SPATA16: variants seen among roughly 807,000 people sequenced by gnomAD.
SPATA16 encodes spermatogenesis-associated protein 16.
A neutral mutation model predicts 63.3 loss-of-function variants in SPATA16; 36 were observed. The observed-to-expected ratio is 0.57, with a 90% CI of 0.44 to 0.75. The LOEUF (loss-of-function observed/expected upper bound fraction) is 0.75, where lower values mean the gene tolerates loss of function less well. Ranked by LOEUF, SPATA16 falls within the 30% of genes least tolerant of loss-of-function variation. The probability of loss-of-function intolerance (pLI) is 0.00; values close to 1 mark genes in which losing one functional copy is unlikely to be tolerated. For synonymous variants in SPATA16, 203 were observed against 216.7 expected (o/e 0.94, Z 0.56); for missense variants, 646 against 679.3 (o/e 0.95, Z 0.54).
At chr3:172,940,662 C>T (rs897058397) in intron 6 of SPATA16, among the ~76,000 whole-genome samples, 6 of 152,106 alleles carry the variant, frequency 3.9e-5, no homozygotes, top group South Asian at 4.1e-4. Context: ...ATAACTTGAA[C>T]ATGTACCTCT....
chr3:172,999,046 G>A (rs1482342838), intron 4 of SPATA16, among the ~76,000 whole-genome samples: 1 of 152,026 alleles, frequency 6.6e-6, no homozygotes, highest in African/African-American at 2.4e-5. Flanking sequence ...GATGACGACA[G>A]CCTCATAGAA....
At chr3:173,135,455 C>T (rs945087737) in intron 1 of SPATA16, among the ~76,000 whole-genome samples, 1 of 152,114 alleles carries the variant, frequency 6.6e-6, no homozygotes, top group Non-Finnish European at 1.5e-5. Flanking sequence ...ATATACCCAG[C>T]AGAAATGCAT....
intron 3 of SPATA16, among the ~76,000 whole-genome samples, chr3:173,034,074 A>C (rs893016773): frequency 6.6e-6 from 1 of 152,142 alleles, no homozygotes; most frequent in Non-Finnish European, 1.5e-5. Context: ...ACCTATTGGA[A>C]ATTACTTATG....
intron 8 of SPATA16, among the ~76,000 whole-genome samples, chr3:172,921,687 GCAAAC>G (rs1732618597): frequency 6.6e-6 from 1 of 152,112 alleles, no homozygotes; most frequent in Non-Finnish European, 1.5e-5. Flanking sequence ...CTTTGTCAAA[GCAAAC>G]CAAAACCAAT....
At chr3:172,917,204 A>G (rs1237359510) in intron 8 of SPATA16, among the ~76,000 whole-genome samples, 1 of 152,224 alleles carries the variant, frequency 6.6e-6, no homozygotes, top group African/African-American at 2.4e-5. Flanking sequence ...TGTTACTGCC[A>G]TCCACAAAAG....
chr3:172,953,414 A>C (rs190815769), intron 6 of SPATA16, among the ~76,000 whole-genome samples: 81 of 152,224 alleles, frequency 5.3e-4, no homozygotes, highest in Admixed American at 1.6e-3. Context: ...AATGGAGGGG[A>C]TTTATTGAGT....
intron 1 of SPATA16, among the ~76,000 whole-genome samples, chr3:173,137,615 TC>T: frequency 6.6e-6 from 1 of 152,308 alleles, no homozygotes; most frequent in East Asian, 1.9e-4. Flanking sequence ...TTTCTTTCAA[TC>T]TGGTAATGAC....
At chr3:173,116,648 G>A (rs115099184) in intron 2 of SPATA16, among the ~76,000 whole-genome samples, 2,290 of 152,250 alleles carry the variant, frequency 0.015, 23 homozygotes, top group South Asian at 0.03. Context: ...TAAGTATCAC[G>A]TATAAATTAT....
At chr3:173,021,974 T>A (rs1446867020) in intron 3 of SPATA16, among the ~76,000 whole-genome samples, 1 of 151,956 alleles carries the variant, frequency 6.6e-6, no homozygotes, top group African/African-American at 2.4e-5. Context: ...CAAGTTCTTC[T>A]GACAAAAGTA....
rs1208150800 is a variant in SPATA16, at chr3:172,933,807, TAC to T, written c.1082-8317_1082-8316del. On this transcript the variant is annotated intron_variant, in intron 6 of 10. Coordinates refer to ENST00000351008, the MANE Select transcript of SPATA16 (RefSeq NM_031955.6). Reference sequence around the variant, plus strand: ...ACCACTTGAAACCAAAGATTCCTTATACAGGGATTTAGCTAGTAGTTCAATAT... The same window carrying T: ...ACCACTTGAAACCAAAGATTCCTTATAGGGATTTAGCTAGTAGTTCAATAT... Among the ~76,000 whole-genome samples, 4 of 152,198 alleles carry T rather than the reference TAC, an allele frequency of 2.6e-5. No individual in the cohort carries two copies. The East Asian group carries it at 5.8e-4, about 22-fold the overall frequency.
intron 2 of SPATA16, among the ~76,000 whole-genome samples, chr3:173,112,569 A>T (rs1737774643): frequency 1.3e-5 from 2 of 152,234 alleles, no homozygotes; most frequent in Admixed American, 1.3e-4. Context: ...CAATAATAAT[A>T]ACAGTATTAT....
At chr3:173,128,515 G>A (rs1262221726) in intron 1 of SPATA16, among the ~76,000 whole-genome samples, 1 of 152,150 alleles carries the variant, frequency 6.6e-6, no homozygotes, top group Non-Finnish European at 1.5e-5. Context: ...GATTCAGCAT[G>A]TCTGGGGTAA....
chr3:172,914,252 GT>G (rs200323308), intron 9 of SPATA16, among the ~76,000 whole-genome samples: 1 of 151,816 alleles, frequency 6.6e-6, no homozygotes, highest in Non-Finnish European at 1.5e-5. Flanking sequence ...AAATAGCCAA[GT>G]TTTTTTTATT....
chr3:173,051,217 T>C (rs987311302), intron 2 of SPATA16, among the ~76,000 whole-genome samples: 1 of 152,234 alleles, frequency 6.6e-6, no homozygotes, highest in Non-Finnish European at 1.5e-5. Flanking sequence ...TTTTCTTTTC[T>C]TTTAAGACAG....
intron 2 of SPATA16, among the ~76,000 whole-genome samples, chr3:173,077,759 A>G (rs1736840372): frequency 6.6e-6 from 1 of 152,226 alleles, no homozygotes; most frequent in Admixed American, 6.5e-5. Flanking sequence ...CATTTCTGAA[A>G]GAAAGAGAAA....
At chr3:172,957,870 T>G (rs961571169) in intron 5 of SPATA16, among the ~76,000 whole-genome samples, 2 of 152,188 alleles carry the variant, frequency 1.3e-5, no homozygotes, top group African/African-American at 4.8e-5. Flanking sequence ...CTAAATAAAC[T>G]TGTTCATTGC....
intron 6 of SPATA16, among the ~76,000 whole-genome samples, chr3:172,950,168 G>A (rs1733396858): frequency 6.6e-6 from 1 of 152,160 alleles, no homozygotes; most frequent in Non-Finnish European, 1.5e-5. Flanking sequence ...TGTAGTTTCA[G>A]GGGTTTCAGG....
chr3:173,023,053 A>G (rs1735370425), intron 3 of SPATA16, among the ~76,000 whole-genome samples: 2 of 151,816 alleles, frequency 1.3e-5, no homozygotes, highest in Admixed American at 6.6e-5. Flanking sequence ...CCTGTGGTAA[A>G]TCTTGTGCTT....
intron 8 of SPATA16, among the ~76,000 whole-genome samples, chr3:172,919,274 C>A (rs1732567955): frequency 6.6e-6 from 1 of 152,094 alleles, no homozygotes; most frequent in Non-Finnish European, 1.5e-5. Flanking sequence ...TAGTGCCATC[C>A]AGTAGCATGT....
Sources: allele counts gnomAD v4.1 joint callset (sites outside exome capture counted in the v4.1 genomes callset), GRCh38; gene constraint gnomAD v4.1.1; transcripts MANE v1.5; gene names NCBI Gene and HGNC (gene_info 2026-07-23, HGNC 2026-07-21).